NAALAD2: variants seen among roughly 807,000 people sequenced by gnomAD.
NAALAD2 encodes the protein N-acetylated alpha-linked acidic dipeptidase 2.
In NAALAD2, 89 loss-of-function variants were observed where a neutral mutation model predicts 95.6. The observed-to-expected ratio is 0.93, with a 90% CI of 0.78 to 1.11. The LOEUF is 1.11. Among genes scored for constraint, NAALAD2 ranks in the 50% least tolerant of loss-of-function variants. The probability of loss-of-function intolerance (pLI) is 0.00; values close to 1 mark genes in which losing one functional copy is unlikely to be tolerated. For missense variants in NAALAD2, 894 were observed against 872.4 expected (o/e 1.02, Z -0.31); for synonymous variants, 264 against 294.4 (o/e 0.90, Z 1.06).
At chr11:90,159,721 C>T (rs543360575) in intron 8 of NAALAD2, among the ~76,000 whole-genome samples, 11 of 152,006 alleles carry the variant, frequency 7.2e-5, no homozygotes, top group South Asian at 4.2e-4. Context: ...GAGGCTGAGG[C>T]GGGCGGATCA....
intron 8 of NAALAD2, among the ~76,000 whole-genome samples, chr11:90,161,809 C>T (rs1048701496): frequency 2.0e-5 from 3 of 151,518 alleles, no homozygotes; most frequent in African/African-American, 4.9e-5. Context: ...TCTTACTAAT[C>T]ATATATCTAA....
chr11:90,136,793 T>C (rs1050703397), intron 2 of NAALAD2, among the ~76,000 whole-genome samples: 2 of 152,108 alleles, frequency 1.3e-5, no homozygotes, highest in African/African-American at 4.8e-5. Context: ...ATGGTTGAGT[T>C]TGATGATAAG....
chr11:90,179,726 T>C (rs1353844013), intron 16 of NAALAD2, among the ~76,000 whole-genome samples: 1 of 152,108 alleles, frequency 6.6e-6, no homozygotes, highest in Non-Finnish European at 1.5e-5. Flanking sequence ...TTTTGGTGAA[T>C]GATCTTTTAT....
At chr11:90,183,936 A>ACATCAT (rs1481308985) in intron 18 of NAALAD2, among the ~76,000 whole-genome samples, 1 of 152,094 alleles carries the variant, frequency 6.6e-6, no homozygotes, top group Non-Finnish European at 1.5e-5. Flanking sequence ...CTGTATCTCT[A>ACATCAT]CATCATGTTC....
rs374278027 is a variant in NAALAD2 at position 90,177,888 on chromosome 11, C to A, written c.1629C>A (p.His543Gln). The A allele has an allele frequency of 1.9e-6, 3 of 1,613,610 alleles. No homozygotes were observed. The African/African-American group carries it at 4.0e-5, about 22-fold the overall frequency. ...TDKYSSYPVYHTIYETFELVE... is the reference protein window; with the variant it reads ...TDKYSSYPVYQTIYETFELVE... ...AGTACAGCAGCTACCCAGTGTACCACACAATTTATGAGACATTTGAATTGG... is the reference window on the plus strand; with the variant it reads ...AGTACAGCAGCTACCCAGTGTACCAAACAATTTATGAGACATTTGAATTGG... The change falls in exon 16 of 19, where the codon CAC becomes CAA. Residue 543 changes from histidine to glutamine, a missense_variant. Coordinates refer to ENST00000534061, the MANE Select transcript of NAALAD2 (RefSeq NM_005467.4).
At chr11:90,153,271 T>A (rs1017586340) in intron 6 of NAALAD2, among the ~76,000 whole-genome samples, 2 of 152,202 alleles carry the variant, frequency 1.3e-5, no homozygotes, top group African/African-American at 4.8e-5. Flanking sequence ...AGACCTTGTA[T>A]GTACATGTTC....
chr11:90,172,415 G>A (rs567282102), intron 13 of NAALAD2, among the ~76,000 whole-genome samples: 39 of 152,154 alleles, frequency 2.6e-4, no homozygotes, highest in Admixed American at 2.4e-3. Flanking sequence ...CTACTTGAAG[G>A]CTGATGAGGG....
chr11:90,181,965 T>TG (rs151080466), intron 17 of NAALAD2, among the ~76,000 whole-genome samples: 2,880 of 151,850 alleles, frequency 0.019, 86 homozygotes, highest in African/African-American at 0.066. Flanking sequence ...CAGTAAAGTT[T>TG]GGGGAGCACT....
At chr11:90,183,256 C>T (rs1857021077) in intron 18 of NAALAD2, among the ~76,000 whole-genome samples, 1 of 152,120 alleles carries the variant, frequency 6.6e-6, no homozygotes, top group South Asian at 2.1e-4. Flanking sequence ...ACAAAATCTT[C>T]AAACTGTAGA....
intron 2 of NAALAD2, among the ~76,000 whole-genome samples, chr11:90,136,078 AG>A (rs1220557563): frequency 1.3e-5 from 2 of 152,170 alleles, no homozygotes; most frequent in Non-Finnish European, 2.9e-5. Flanking sequence ...GTCTGCCAAA[AG>A]TTAAACCTTT....
intron 2 of NAALAD2, among the ~76,000 whole-genome samples, chr11:90,142,135 C>T (rs558831413): frequency 9.3e-4 from 142 of 152,106 alleles, no homozygotes; most frequent in Admixed American, 2.1e-3. Flanking sequence ...TTTTGTCAAG[C>T]GCTTTTTCTG....
chr11:90,164,356 C>T (rs1017089706), intron 11 of NAALAD2: 4 of 152,112 alleles, frequency 2.6e-5, no homozygotes, highest in African/African-American at 9.7e-5. Flanking sequence ...AGAAGGTAAG[C>T]ACATTCATTT....
rs966250407 is a variant in NAALAD2 at position 90,192,855 on chromosome 11, T to C, written c.*1108T>C. ...AGTGACTCAATTACATGTTCAACTA[T>C]GATTAAAGCTTCAATAAACTTGGTT... On this transcript the variant is annotated 3_prime_UTR_variant, in exon 19 of 19. Coordinates refer to ENST00000534061, the MANE Select transcript of NAALAD2 (RefSeq NM_005467.4). The C allele has an allele frequency of 7.2e-5, 11 of 152,000 alleles. No individual in the cohort carries two copies. The highest frequency in any genetic ancestry group is 2.4e-4 in the African/African-American group (10 of 41,444). The allele number at this position is 152,000 out of a possible 1,614,324, so 9.4% of individuals were successfully genotyped here. A position where few individuals can be genotyped will look rare whatever the true frequency, so the allele number is the denominator to read the frequency against.
At chr11:90,165,541 A>G (rs962533637) in intron 11 of NAALAD2, among the ~76,000 whole-genome samples, 2 of 152,214 alleles carry the variant, frequency 1.3e-5, no homozygotes, top group African/African-American at 2.4e-5. Flanking sequence ...TTAAAATACT[A>G]TAATAGGAAT....
chr11:90,140,042 G>A (rs1210894855), intron 2 of NAALAD2, among the ~76,000 whole-genome samples: 2 of 151,810 alleles, frequency 1.3e-5, no homozygotes, highest in African/African-American at 2.4e-5. Context: ...TACTAAACAT[G>A]GTAAGAACTA....
rs750513266 is a variant in NAALAD2, at chr11:90,173,808, T to C, written c.1411-16T>C. ...GCTTCTACCCCTAATTTCCAGTATT[T>C]GATTTCTCTTTCCAGATCCCCAGCC... is the stretch of plus-strand genomic sequence containing the variant. On this transcript the variant is annotated splice_polypyrimidine_tract_variant and intron_variant, in intron 13 of 18. Coordinates refer to ENST00000534061, the MANE Select transcript of NAALAD2 (RefSeq NM_005467.4). 3 of 1,590,756 alleles carry C rather than the reference T, an allele frequency of 1.9e-6. No homozygotes were observed. The African/African-American group carries it at 4.1e-5, about 22-fold the overall frequency.
In NAALAD2 at chr11:90,150,603, ATAAAG is replaced by A; in HGVS notation, c.608_609+3del. 6.3e-7 allele frequency: 1 copy of A among 1,589,070 alleles called. No individual in the cohort carries two copies. Among genetic ancestry groups the A allele is most frequent in the South Asian group, 1.1e-5 (1 of 89,980 alleles). ...AGATATGGAAAAATCTTCAGAGGAA[ATAAAG>A]TACAGTATTATTTGTTTTTCTACAG... On this transcript the variant is annotated splice_donor_variant and coding_sequence_variant, in exon 5 of 19. Coordinates refer to ENST00000534061, the MANE Select transcript of NAALAD2 (RefSeq NM_005467.4). LOFTEE classifies it high-confidence loss of function.
chr11:90,146,976 AT>A (rs999916458), intron 2 of NAALAD2, among the ~76,000 whole-genome samples: 9 of 150,434 alleles, frequency 6.0e-5, no homozygotes, highest in East Asian at 5.8e-4. Flanking sequence ...GTTAAGATCT[AT>A]TTTTTTTTTC....
chr11:90,147,654 G>C, intron 3 of NAALAD2, 138 bp downstream of exon 3: 2 of 774,794 alleles, frequency 2.6e-6, no homozygotes, highest in Non-Finnish European at 4.0e-6. Context: ...ATGGTGTTAA[G>C]TCCTGAGGCC....
Sources: allele counts gnomAD v4.1 joint callset (sites outside exome capture counted in the v4.1 genomes callset), GRCh38; gene constraint gnomAD v4.1.1; transcripts MANE v1.5; gene names NCBI Gene and HGNC (gene_info 2026-07-23, HGNC 2026-07-21).